Variants in ZC3H12B observed in about 807,000 individuals in gnomAD.
The protein encoded by ZC3H12B is probable ribonuclease ZC3H12B.
ZC3H12B carries 7 observed loss-of-function variants against 43.9 expected under a neutral mutation model. The observed-to-expected ratio is 0.16, with a 90% confidence interval of 0.09 to 0.30. The LOEUF (loss-of-function observed/expected upper bound fraction) is 0.30. ZC3H12B is among the 10% of genes least tolerant of loss of function. ZC3H12B has a pLI of 1.00. For missense variants in ZC3H12B, 475 were observed against 670.2 expected (o/e 0.71, Z 3.22); for synonymous variants, 222 against 241.7 (o/e 0.92, Z 0.76).
chrX:65,378,120 G>C (rs1212891529), intron 2 of ZC3H12B, among the ~76,000 whole-genome samples: 2 of 110,135 alleles, frequency 1.8e-5, no homozygotes, highest in Non-Finnish European at 3.8e-5. Context: ...GAAATCATCT[G>C]ACCTTACAAT....
At chrX:65,084,348 A>C in the ZC3H12B span, among the ~76,000 whole-genome samples, 1 of 111,887 alleles carries the variant, frequency 8.9e-6, no homozygotes, top group Admixed American at 9.5e-5. Flanking sequence ...AATATTTTCA[A>C]TGTATGAATC....
chrX:65,496,948 C>CAAAAAAAAAAAAAAAAAA (rs373400545), intron 1 of ZC3H12B, among the ~76,000 whole-genome samples, 184 bp from the exon 7 acceptor site: 3 of 40,899 alleles, frequency 7.3e-5, no homozygotes, highest in African/African-American at 1.8e-4. Flanking sequence ...AAAGTGAGAC[C>CAAAAAAAAAAAAAAAAAA]AAAAAAAAAA....
In ZC3H12B at chrX:65,456,788, G is replaced by T. The variant is rs759197308; in HGVS notation, n.408-31858G>T. On this transcript the variant is annotated intron_variant and non_coding_transcript_variant, in intron 3 of 5. Transcript: ENST00000617377. The stretch of plus-strand genomic sequence containing the variant: ...GAGTGCAGTGGCGTGATCTCGGCTC[G>T]CTACAACCTCCACCTCCCAGCCGCC... Among the ~76,000 whole-genome samples the T allele has an allele frequency of 9.2e-5, 10 of 108,921 alleles. 1 individual carries two copies. In the South Asian group the frequency reaches 4.1e-3, roughly 44 times the overall value. 94.6% of individuals were successfully genotyped at this position (108,921 alleles called of 115,157 possible).
chrX:65,187,080 TTCTTTTAGTTCTTTAAGGAA>T, the ZC3H12B span: 1 of 112,079 alleles, frequency 8.9e-6, no homozygotes, highest in Non-Finnish European at 1.9e-5. Flanking sequence ...ACGGTCAATC[TTCTTTTAGTTCTTTAAGGAA>T]TCTCCCCACT....
the ZC3H12B span, among the ~76,000 whole-genome samples, chrX:65,153,692 A>G: frequency 8.9e-6 from 1 of 112,218 alleles, no homozygotes; most frequent in Admixed American, 9.4e-5. Context: ...GGGATCTACA[A>G]CTAGAAATAC....
chrX:65,323,815 G>C, the ZC3H12B span, among the ~76,000 whole-genome samples: 3 of 112,135 alleles, frequency 2.7e-5, no homozygotes, highest in Non-Finnish European at 5.6e-5. Context: ...CACCAACAGT[G>C]TAAAAGTGTT....
chrX:65,299,367 A>G, the ZC3H12B span, among the ~76,000 whole-genome samples: 1 of 112,345 alleles, frequency 8.9e-6, no homozygotes, highest in African/African-American at 3.2e-5. Flanking sequence ...TCTCATAAAC[A>G]GATGTAAAAA....
chrX:65,341,173 AG>A, the ZC3H12B span, among the ~76,000 whole-genome samples: 1 of 112,440 alleles, frequency 8.9e-6, no homozygotes, highest in Non-Finnish European at 1.9e-5. Flanking sequence ...AAGAATGAAA[AG>A]GAACAAATAA....
chrX:65,416,347 C>T (rs766816491), intron 3 of ZC3H12B, among the ~76,000 whole-genome samples: 1 of 111,707 alleles, frequency 9.0e-6, no homozygotes, highest in South Asian at 3.8e-4. Context: ...CTGCCTCTGG[C>T]TACTCCCCTT....
At chrX:65,489,507 T>G (rs2068174864) in intron 1 of ZC3H12B, 98 bp downstream of exon 6, 1 of 991,767 alleles carries the variant, frequency 1.0e-6, no homozygotes. Context: ...AGCATGGCTA[T>G]TGACTGTGGC....
At chrX:65,305,250 C>T in the ZC3H12B span, among the ~76,000 whole-genome samples, 1 of 111,204 alleles carries the variant, frequency 9.0e-6, no homozygotes, top group Non-Finnish European at 1.9e-5. Flanking sequence ...AATCACCAAA[C>T]TTCATACAAA....
At chrX:65,391,869 G>A (rs2066621074) in intron 2 of ZC3H12B, among the ~76,000 whole-genome samples, 4 of 111,114 alleles carry the variant, frequency 3.6e-5, no homozygotes, top group Admixed American at 2.9e-4. Context: ...CTCCCTGCCT[G>A]ATTCTCCTGC....
At chrX:65,091,872 A>G in the ZC3H12B span, among the ~76,000 whole-genome samples, 3 of 112,515 alleles carry the variant, frequency 2.7e-5, no homozygotes, top group African/African-American at 9.7e-5. Flanking sequence ...ATTAATTCAA[A>G]TAAAACAGGG....
At chrX:65,430,745 G>A (rs955165481) in intron 3 of ZC3H12B, among the ~76,000 whole-genome samples, 4 of 110,028 alleles carry the variant, frequency 3.6e-5, no homozygotes, top group Non-Finnish European at 7.6e-5. Flanking sequence ...GTCTATCATT[G>A]ATGGACATTT....
chrX:65,146,239 C>G, the ZC3H12B span, among the ~76,000 whole-genome samples: 1 of 111,529 alleles, frequency 9.0e-6, no homozygotes, highest in African/African-American at 3.3e-5. Flanking sequence ...TGTCTTCAAG[C>G]TCTGAAGTGC....
At chrX:65,195,984 G>A in the ZC3H12B span, among the ~76,000 whole-genome samples, 3 of 111,876 alleles carry the variant, frequency 2.7e-5, no homozygotes, top group Non-Finnish European at 5.6e-5. Flanking sequence ...TGAGGGCCAA[G>A]TCGAACTGTT....
At chrX:65,169,123 G>T in the ZC3H12B span, among the ~76,000 whole-genome samples, 2 of 111,408 alleles carry the variant, frequency 1.8e-5, no homozygotes. Context: ...TAATTGTGAT[G>T]TTAGGGTGTC....
chrX:65,503,398 G>C, exon 5 of ZC3H12B: 1 of 394,744 alleles, frequency 2.5e-6, no homozygotes, highest in East Asian at 4.5e-5. Flanking sequence ...GGAAGGTGAA[G>C]GTCAGTGAAA....
chrX:65,326,258 G>A, the ZC3H12B span, among the ~76,000 whole-genome samples: 8 of 111,639 alleles, frequency 7.2e-5, no homozygotes, highest in Non-Finnish European at 1.5e-4. Flanking sequence ...ATATTTGAAA[G>A]CCATATATTT....
Sources: allele counts gnomAD v4.1 joint callset (sites outside exome capture counted in the v4.1 genomes callset), GRCh38; gene constraint gnomAD v4.1.1; transcripts MANE v1.5; gene names NCBI Gene and HGNC (gene_info 2026-07-23, HGNC 2026-07-21).